RYR3: variants seen among roughly 807,000 people sequenced by gnomAD.
The protein encoded by RYR3 is ryanodine receptor 3.
Under a neutral mutation model 584.3 loss-of-function variants are expected in RYR3, and 207 were observed. That is an observed-to-expected ratio of 0.35 (90% CI 0.32 to 0.40). The LOEUF (loss-of-function observed/expected upper bound fraction) is 0.40, where lower values mean the gene tolerates loss of function less well. RYR3 is among the 10% of genes least tolerant of loss of function. RYR3 has a pLI of 1.00. For missense variants in RYR3, 5,616 were observed against 6,089.2 expected (o/e 0.92, Z 2.59); for synonymous variants, 2,416 against 2,248.5 (o/e 1.07, Z -2.11).
intron 12 of RYR3, among the ~76,000 whole-genome samples, chr15:33,572,174 TG>T (rs2058060198): frequency 6.6e-6 from 1 of 152,230 alleles, no homozygotes; most frequent in Non-Finnish European, 1.5e-5. Context: ...TTTATGAAGT[TG>T]TTTTTTGAAT....
In RYR3 at chr15:33,623,898, G is replaced by A; in HGVS notation, c.2449G>A (p.Glu817Lys). Residue 817 changes from glutamate (E) to lysine (K), a missense_variant, in exon 20 of 104, where the codon GAG becomes AAG. This residue lies in a region of RYR3 where 1,284 missense variants were observed against 1,344.6 expected (regional missense o/e 0.95). Coordinates refer to ENST00000634891, the MANE Select transcript of RYR3 (RefSeq NM_001036.6). ...TTGCTATGAAGCCTTACTTCCAAAA[G>A]AGAAGATGAGATTGGAGCCTGTCAA... is the stretch of plus-strand genomic sequence containing the variant. ...APCYEALLPK[E>K]KMRLEPVKEY... is the part of the protein sequence containing the mutation. 1 of 1,613,870 alleles carries A rather than the reference G, an allele frequency of 6.2e-7. No individual in the cohort carries two copies. The highest frequency in any genetic ancestry group is 8.5e-7 in the Non-Finnish European group (1 of 1,179,788).
At chr15:33,574,640 C>G (rs2058201453) in intron 12 of RYR3, among the ~76,000 whole-genome samples, 1 of 152,010 alleles carries the variant, frequency 6.6e-6, no homozygotes, top group Admixed American at 6.5e-5. Context: ...GAATGATCAC[C>G]TCACAGCCTG....
intron 80 of RYR3, among the ~76,000 whole-genome samples, chr15:33,822,278 G>T (rs1000614907): frequency 5.9e-5 from 9 of 152,148 alleles, no homozygotes; most frequent in Non-Finnish European, 1.2e-4. Context: ...TCCGGGTTCT[G>T]GTTAAAAGCA....
intron 19 of RYR3, among the ~76,000 whole-genome samples, chr15:33,616,522 A>T (rs985162871): frequency 6.6e-6 from 1 of 152,184 alleles, no homozygotes; most frequent in African/African-American, 2.4e-5. Context: ...TGCACAGATA[A>T]AGGAGAAGCA....
intron 1 of RYR3, among the ~76,000 whole-genome samples, chr15:33,316,472 T>C (rs934650438): frequency 6.6e-6 from 1 of 152,212 alleles, no homozygotes; most frequent in African/African-American, 2.4e-5. Context: ...AGTATAAACC[T>C]TTCTAAATTA....
Position 33,477,842 on chromosome 15 carries a change from T to G in RYR3, c.171+4304T>G, listed in dbSNP as rs531275031. On this transcript the variant is annotated intron_variant, in intron 2 of 103. Transcript: ENST00000634891. ...GTGAGCGGAGATGGCGCCACTGCACTCCAGCCTGGGCGACAGAGCGAGATT... is the reference window on the plus strand; with the variant it reads ...GTGAGCGGAGATGGCGCCACTGCACGCCAGCCTGGGCGACAGAGCGAGATT... Among the ~76,000 whole-genome samples, 98 of 101,852 alleles carry G rather than the reference T, an allele frequency of 9.6e-4. 2 individuals are homozygous for G. Among genetic ancestry groups the G allele is most frequent in the Non-Finnish European group, 1.4e-3 (83 of 60,210 alleles). 66.8% of individuals were successfully genotyped at this position (101,852 alleles called of 152,430 possible). A position where few individuals can be genotyped will look rare whatever the true frequency, so the allele number is the denominator to read the frequency against.
At chr15:33,514,601 T>G (rs894538878) in intron 3 of RYR3, among the ~76,000 whole-genome samples, 3 of 152,034 alleles carry the variant, frequency 2.0e-5, no homozygotes, top group Non-Finnish European at 4.4e-5. Flanking sequence ...AAAGGTAAGT[T>G]GAATGCATTA....
chr15:33,768,047 T>C (rs1228706608), intron 60 of RYR3, among the ~76,000 whole-genome samples: 1 of 152,206 alleles, frequency 6.6e-6, no homozygotes, highest in Non-Finnish European at 1.5e-5. Flanking sequence ...ATATACAACA[T>C]GGGCCTTTCC....
chr15:33,392,193 A>T (rs2042038293), intron 1 of RYR3, among the ~76,000 whole-genome samples: 1 of 62,854 alleles, frequency 1.6e-5, no homozygotes, highest in Non-Finnish European at 3.0e-5. Context: ...GCACGTGGTA[A>T]GCCCTCAAAA....
intron 32 of RYR3, among the ~76,000 whole-genome samples, chr15:33,654,277 G>A (rs1389336249): frequency 6.6e-6 from 1 of 152,112 alleles, no homozygotes; most frequent in Admixed American, 6.5e-5. Flanking sequence ...ATCTTGGGGA[G>A]GCCGAGGCAG....
chr15:33,326,005 T>A (rs1969650598), intron 1 of RYR3, among the ~76,000 whole-genome samples: 1 of 152,118 alleles, frequency 6.6e-6, no homozygotes, highest in Non-Finnish European at 1.5e-5. Context: ...TTTTGCCATT[T>A]TGCCCAAGCT....
chr15:33,841,122 T>G (rs1270600476), intron 90 of RYR3, among the ~76,000 whole-genome samples: 1 of 151,910 alleles, frequency 6.6e-6, no homozygotes, highest in Non-Finnish European at 1.5e-5. Flanking sequence ...GAGGCTGAGG[T>G]GGGAGGATTG....
At chr15:33,769,878 G>T (rs1270350698) in intron 62 of RYR3, among the ~76,000 whole-genome samples, 2 of 152,244 alleles carry the variant, frequency 1.3e-5, no homozygotes, top group African/African-American at 4.8e-5. Flanking sequence ...GAGCCCAGGA[G>T]GTGGAGGTTG....
rs1462758783 is a variant in RYR3 at position 33,636,458 on chromosome 15, A to G, written c.3464A>G (p.Asp1155Gly). The change falls in exon 27 of 104, where the codon GAT (aspartate) becomes GGT (glycine). Residue 1155 changes from aspartate to glycine, a missense_variant. Asp to Gly is a moderately conservative substitution (Grantham distance 94). Coordinates refer to ENST00000634891, the MANE Select transcript of RYR3 (RefSeq NM_001036.6). ...GDVVGCMINL[D>G]DASMIFTLNG... ...GTGGTCGGATGTATGATTAACCTGG[A>G]TGATGCTTCAATGATCTTCACACTG... 4 of 1,613,756 alleles carry G rather than the reference A, an allele frequency of 2.5e-6. No homozygotes were observed. Among genetic ancestry groups the G allele is most frequent in the Admixed American group, 1.7e-5 (1 of 60,004 alleles).
intron 94 of RYR3, 141 bp downstream of exon 94, chr15:33,848,562 A>G (rs2078874353): frequency 2.3e-6 from 2 of 877,380 alleles, no homozygotes; most frequent in Non-Finnish European, 3.4e-6. Flanking sequence ...CTCTTCAATA[A>G]AGCCACTTAC....
chr15:33,746,165 G>T lies in RYR3; in HGVS notation c.7989+8G>T, dbSNP rs1349002657. On this transcript the variant is annotated splice_region_variant and intron_variant, in intron 53 of 103. Coordinates refer to ENST00000634891, the MANE Select transcript of RYR3 (RefSeq NM_001036.6). ...AAGACATTAACGGAGAAGGTAAGAAGCAGGCCTCTGGTAACACTGTGTGAC... is the reference window on the plus strand; with the variant it reads ...AAGACATTAACGGAGAAGGTAAGAATCAGGCCTCTGGTAACACTGTGTGAC... The T allele has an allele frequency of 1.3e-6, 2 of 1,569,698 alleles. No homozygotes were observed. Among genetic ancestry groups the T allele is most frequent in the Non-Finnish European group, 1.7e-6 (2 of 1,151,494 alleles).
intron 38 of RYR3, among the ~76,000 whole-genome samples, chr15:33,675,148 G>A (rs4779631): frequency 0.39 from 58,809 of 152,104 alleles, 13,077 homozygotes; most frequent in Non-Finnish European, 0.52. Context: ...TCTTTGTTAT[G>A]CCCATGTATT....
intron 16 of RYR3, among the ~76,000 whole-genome samples, chr15:33,593,527 G>A (rs892145721): frequency 6.6e-6 from 1 of 152,148 alleles, no homozygotes; most frequent in African/African-American, 2.4e-5. Flanking sequence ...TAGTAGGCAG[G>A]TATGAAAGTG....
intron 2 of RYR3, among the ~76,000 whole-genome samples, chr15:33,482,098 A>G (rs887327231): frequency 1.1e-4 from 16 of 152,014 alleles, no homozygotes; most frequent in Non-Finnish European, 2.4e-4. Context: ...CCTGAAGGAT[A>G]TTCCTTAGTG....
Sources: allele counts gnomAD v4.1 joint callset (sites outside exome capture counted in the v4.1 genomes callset), GRCh38; gene constraint gnomAD v4.1.1; regional missense constraint gnomAD v4.1.1; transcripts MANE v1.5; gene names NCBI Gene and HGNC (gene_info 2026-07-23, HGNC 2026-07-21).